The following SEMA3E variants were observed in gnomAD, a reference collection of about 807,000 sequenced individuals.
SEMA3E encodes the protein semaphorin-3E.
Under a neutral mutation model 93.6 loss-of-function variants are expected in SEMA3E, and 49 were observed. That is an observed-to-expected ratio of 0.52 (90% confidence interval 0.42 to 0.66). The LOEUF is 0.66. Among genes scored for constraint, SEMA3E ranks in the 30% least tolerant of loss-of-function variants. SEMA3E has a pLI of 0.00. For synonymous variants in SEMA3E, 363 were observed against 330.7 expected, an observed-to-expected ratio of 1.10 and a Z score of -1.06; for missense variants, 906 against 964.8, an observed-to-expected ratio of 0.94 and a Z score of 0.81.
intron 1 of SEMA3E, among the ~76,000 whole-genome samples, chr7:83,578,456 T>G (rs563529723): frequency 6.6e-6 from 1 of 152,142 alleles, no homozygotes; most frequent in Admixed American, 6.6e-5. Context: ...ATCGGGAGGC[T>G]GAGGTAGGAG....
intron 1 of SEMA3E, among the ~76,000 whole-genome samples, chr7:83,577,086 C>T (rs1410449692): frequency 6.6e-6 from 1 of 151,968 alleles, no homozygotes; most frequent in African/African-American, 2.4e-5. Flanking sequence ...ATATATTGTC[C>T]ACCTAATCAC....
intron 1 of SEMA3E, among the ~76,000 whole-genome samples, chr7:83,614,534 A>G (rs538040167): frequency 1.8e-4 from 27 of 152,262 alleles, no homozygotes; most frequent in African/African-American, 5.8e-4. Flanking sequence ...ATCAGTCAAG[A>G]GAGGGCAAGT....
rs1792973110 is a variant in SEMA3E at position 83,600,557 on chromosome 7, C to T, written c.115+47871G>A. On this transcript the variant is annotated intron_variant, in intron 1 of 16. Coordinates refer to ENST00000643230, the MANE Select transcript of SEMA3E (RefSeq NM_012431.3). ...AGAGACGGGGTTTCACCGTGTTAGC[C>T]AGGATGGTCTGGATCTCCTGACCTC... 3.0e-5 allele frequency among the ~76,000 whole-genome samples: 4 copies of T among 132,618 alleles called. No individual in the cohort carries two copies. The Admixed American group carries it at 3.7e-4, about 12-fold the overall frequency. 87.0% of individuals were successfully genotyped at this position (132,618 alleles called of 152,430 possible).
intron 1 of SEMA3E, among the ~76,000 whole-genome samples, chr7:83,525,926 G>A (rs1319891001): frequency 3.3e-5 from 5 of 150,918 alleles, no homozygotes; most frequent in Non-Finnish European, 7.4e-5. Context: ...TCAACTGTAA[G>A]CTTTGCTATA....
intron 4 of SEMA3E, among the ~76,000 whole-genome samples, chr7:83,444,473 C>T (rs560652728): frequency 2.6e-5 from 4 of 152,064 alleles, no homozygotes; most frequent in African/African-American, 9.7e-5. Flanking sequence ...GTCCAGTAAG[C>T]ATAGAAAATG....
chr7:83,483,418 T>C (rs554692541), intron 2 of SEMA3E, among the ~76,000 whole-genome samples: 15 of 152,166 alleles, frequency 9.9e-5, no homozygotes, highest in Non-Finnish European at 2.2e-4. Flanking sequence ...AAATTACCAT[T>C]TTAATATCAT....
intron 1 of SEMA3E, among the ~76,000 whole-genome samples, chr7:83,539,288 G>A (rs1356704734): frequency 1.3e-5 from 2 of 152,084 alleles, no homozygotes; most frequent in Admixed American, 6.6e-5. Flanking sequence ...CCCCATCAAC[G>A]GTGCTTGGTA....
chr7:83,511,207 T>C (rs1584299097), intron 1 of SEMA3E, among the ~76,000 whole-genome samples: 1 of 151,858 alleles, frequency 6.6e-6, no homozygotes, highest in East Asian at 1.9e-4. Context: ...CATGCAGTTA[T>C]AAATGGTGGC....
intron 1 of SEMA3E, among the ~76,000 whole-genome samples, chr7:83,634,886 G>T (rs1248971996): frequency 6.6e-6 from 1 of 151,910 alleles, no homozygotes; most frequent in Non-Finnish European, 1.5e-5. Flanking sequence ...CAATGATTTG[G>T]ATAATTGAAT....
intron 1 of SEMA3E, among the ~76,000 whole-genome samples, chr7:83,587,611 ATAG>A (rs768270969): frequency 9.2e-4 from 140 of 152,150 alleles, no homozygotes; most frequent in Non-Finnish European, 1.5e-3. Context: ...CTTAGAAAAA[ATAG>A]TAGAAAAAAA....
Position 83,385,234 on chromosome 7 carries a change from A to G in SEMA3E, c.1875+60T>C, listed in dbSNP as rs60017278. 7.2e-3 allele frequency: 11,354 copies of G among 1,580,672 alleles called. 654 individuals carry two copies. In the African/African-American group the frequency reaches 0.13, roughly 18 times the overall value. On this transcript the variant is annotated intron_variant, in intron 16 of 16. Transcript: ENST00000643230. ...TTTTCAGCATCCAAATAAATCATCTATTTACTGATCACACACTATATGCAA... is the reference window on the plus strand; with the variant it reads ...TTTTCAGCATCCAAATAAATCATCTGTTTACTGATCACACACTATATGCAA...
chr7:83,614,381 G>T (rs42023), intron 1 of SEMA3E, among the ~76,000 whole-genome samples: 95,984 of 151,880 alleles, frequency 0.63, 31,065 homozygotes, highest in African/African-American at 0.78. Flanking sequence ...TTCACCACAT[G>T]TACTTTAGAG....
chr7:83,645,236 T>C (rs1361149082), intron 1 of SEMA3E, among the ~76,000 whole-genome samples: 3 of 152,012 alleles, frequency 2.0e-5, no homozygotes, highest in Non-Finnish European at 4.4e-5. Flanking sequence ...TTGGTTTCTG[T>C]CCTGAGGACC....
chr7:83,617,468 T>TTTTATATAAATAATATATAAC, intron 1 of SEMA3E, among the ~76,000 whole-genome samples: 1 of 32,058 alleles, frequency 3.1e-5, no homozygotes, highest in African/African-American at 1.9e-4. Flanking sequence ...TAATATATAA[T>TTTTATATAAATAATATATAAC]TTTATATAAA....
At chr7:83,484,248 TA>T (rs1311028719) in intron 2 of SEMA3E, among the ~76,000 whole-genome samples, 3 of 152,352 alleles carry the variant, frequency 2.0e-5, no homozygotes, top group Middle Eastern at 3.4e-3. Flanking sequence ...TTTTCCTCTC[TA>T]AATTCACCTA....
intron 4 of SEMA3E, among the ~76,000 whole-genome samples, chr7:83,450,246 G>A (rs1045345276): frequency 6.6e-6 from 1 of 152,098 alleles, no homozygotes; most frequent in African/African-American, 2.4e-5. Context: ...ATCCTCTATG[G>A]CACAGCAATT....
At chr7:83,533,549 A>T (rs189495478) in intron 1 of SEMA3E, among the ~76,000 whole-genome samples, 43 of 147,686 alleles carry the variant, frequency 2.9e-4, no homozygotes, top group African/African-American at 9.1e-4. Context: ...TTCTCAATAA[A>T]ATACGATAAA....
chr7:83,484,523 A>G (rs1790213751), intron 2 of SEMA3E, among the ~76,000 whole-genome samples: 1 of 152,162 alleles, frequency 6.6e-6, no homozygotes, highest in Non-Finnish European at 1.5e-5. Flanking sequence ...CTCTGATGTT[A>G]CTTTACCAGT....
rs574322782 is a variant in SEMA3E, at chr7:83,539,253, A to T, written c.116-48979T>A. ...AACATGCTCTAGTAAAAATTCCCTT[A>T]ATCTCCAGATTTTTAGAAGTTATCC... On this transcript the variant is annotated intron_variant, in intron 1 of 16. Transcript: ENST00000643230. Among the ~76,000 whole-genome samples, 112 of 152,276 alleles carry T rather than the reference A, an allele frequency of 7.4e-4. 1 individual carries two copies. The Middle Eastern group carries it at 0.01, about 14-fold the overall frequency.
Sources: gnomAD v4.1 joint callset for allele counts (sites outside exome capture counted in the v4.1 genomes callset) on GRCh38, gnomAD v4.1.1 for gene constraint, MANE v1.5 for transcripts, NCBI Gene and HGNC (gene_info 2026-07-23, HGNC 2026-07-21) for gene names.